Variants in SPATA17 observed in about 807,000 individuals in gnomAD.
SPATA17 encodes spermatogenesis associated 17.
A neutral mutation model predicts 62.2 loss-of-function variants in SPATA17; 53 were observed. The ratio of observed to expected loss-of-function variants is 0.85; its 90% CI spans 0.68 to 1.07. The LOEUF (loss-of-function observed/expected upper bound fraction) is 1.07, where lower values mean the gene tolerates loss of function less well. Ranked by LOEUF, SPATA17 falls within the 50% of genes least tolerant of loss-of-function variation. The pLI, the probability that SPATA17 is intolerant of heterozygous loss-of-function variation, is 0.00. For synonymous variants in SPATA17, 146 were observed against 146.8 expected (o/e 0.99, Z 0.04); for missense variants, 466 against 425.5 (o/e 1.10, Z -0.84).
intron 6 of SPATA17, among the ~76,000 whole-genome samples, chr1:217,762,070 C>T (rs1673184848): frequency 6.6e-6 from 1 of 152,100 alleles, no homozygotes; most frequent in Non-Finnish European, 1.5e-5. Context: ...GCTTCTCCTC[C>T]CTCACTGTTT....
chr1:217,772,109 T>C (rs34722279), intron 6 of SPATA17, among the ~76,000 whole-genome samples: 678 of 150,880 alleles, frequency 4.5e-3, no homozygotes, highest in Non-Finnish European at 7.4e-3. Context: ...CTTTTAAAAA[T>C]ATAACATTTA....
intron 9 of SPATA17, among the ~76,000 whole-genome samples, chr1:217,847,000 C>G (rs1003223289): frequency 6.6e-6 from 1 of 151,826 alleles, no homozygotes; most frequent in Non-Finnish European, 1.5e-5. Context: ...ATTTGCAGAA[C>G]AAAAGTAGTG....
chr1:217,789,951 C>T lies in SPATA17; in HGVS notation c.872+7629C>T, dbSNP rs111480448. On this transcript the variant is annotated intron_variant, in intron 8 of 10. Coordinates refer to ENST00000366933, the MANE Select transcript of SPATA17 (RefSeq NM_138796.4). ...ACTCGGGAGGCTGAGGCACAAGAAT[C>T]GCTTGAATCTGAGAGGCGGAGGTGG... Among the ~76,000 whole-genome samples the T allele has an allele frequency of 1.4e-3, 219 of 152,210 alleles. 1 individual carries two copies. Among genetic ancestry groups the T allele is most frequent in the African/African-American group, 4.8e-3 (198 of 41,542 alleles).
At chr1:217,843,643 T>G (rs967028527) in intron 9 of SPATA17, among the ~76,000 whole-genome samples, 1 of 152,024 alleles carries the variant, frequency 6.6e-6, no homozygotes, top group African/African-American at 2.4e-5. Context: ...GGACTAATTA[T>G]TTTAAGTTTT....
At chr1:217,790,667 A>G (rs1350626733) in intron 8 of SPATA17, among the ~76,000 whole-genome samples, 1 of 152,128 alleles carries the variant, frequency 6.6e-6, no homozygotes, top group Non-Finnish European at 1.5e-5. Context: ...TGACCTCGTG[A>G]TCCGCCCGCC....
intron 9 of SPATA17, among the ~76,000 whole-genome samples, chr1:217,853,606 T>C (rs1401876578): frequency 6.6e-6 from 1 of 152,210 alleles, no homozygotes; most frequent in Admixed American, 6.6e-5. Flanking sequence ...AGTTATGTTC[T>C]ATAAAGTCAC....
intron 9 of SPATA17, among the ~76,000 whole-genome samples, chr1:217,811,618 G>C (rs61825833): frequency 0.1 from 15,149 of 151,652 alleles, 905 homozygotes; most frequent in Middle Eastern, 0.17. Context: ...ACTTGAACTT[G>C]GGCGGCGGAG....
At chr1:217,846,383 T>C (rs770356014) in intron 9 of SPATA17, among the ~76,000 whole-genome samples, 36 of 152,102 alleles carry the variant, frequency 2.4e-4, no homozygotes, top group Non-Finnish European at 5.1e-4. Context: ...TTCAATGTGA[T>C]TTCAATATGA....
At chr1:217,647,266 G>A (rs1460410637) in intron 1 of SPATA17, among the ~76,000 whole-genome samples, 1 of 152,160 alleles carries the variant, frequency 6.6e-6, no homozygotes, top group Non-Finnish European at 1.5e-5. Flanking sequence ...AGGCACTCAT[G>A]GGCTCTCAGC....
At chr1:217,641,926 T>C (rs541089862) in intron 1 of SPATA17, among the ~76,000 whole-genome samples, 1 of 152,230 alleles carries the variant, frequency 6.6e-6, no homozygotes, top group Non-Finnish European at 1.5e-5. Context: ...TCTCTTTAGT[T>C]ATCTTTAATA....
chr1:217,650,699 C>T (rs979207410), intron 2 of SPATA17, among the ~76,000 whole-genome samples: 3 of 152,202 alleles, frequency 2.0e-5, no homozygotes, highest in African/African-American at 7.2e-5. Flanking sequence ...GCTGGGATTA[C>T]GGGCATGAGC....
chr1:217,768,479 G>A (rs1025632582), intron 6 of SPATA17, among the ~76,000 whole-genome samples: 2 of 148,728 alleles, frequency 1.3e-5, no homozygotes, highest in Non-Finnish European at 1.5e-5. Flanking sequence ...TTTCTTTATC[G>A]CAAAGCTCTA....
chr1:217,740,558 G>A lies in SPATA17; in HGVS notation c.396-1417G>A, dbSNP rs373470232. On this transcript the variant is annotated intron_variant, in intron 5 of 10. Transcript: ENST00000366933. The stretch of plus-strand genomic sequence containing the variant: ...GGACACAGTTAATGAGGTTTGTTTG[G>A]TACAGAACAAATTCTCAGACACAGA... Among the ~76,000 whole-genome samples the A allele has an allele frequency of 7.9e-5, 12 of 152,200 alleles. No homozygotes were observed. The South Asian group carries it at 8.3e-4, about 11-fold the overall frequency.
chr1:217,675,442 G>C (rs559890759), intron 4 of SPATA17, among the ~76,000 whole-genome samples: 1 of 152,070 alleles, frequency 6.6e-6, no homozygotes, highest in South Asian at 2.1e-4. Flanking sequence ...TCATACTTTT[G>C]ACACCAATTT....
intron 6 of SPATA17, among the ~76,000 whole-genome samples, chr1:217,760,292 G>C (rs1395248928): frequency 6.6e-6 from 1 of 151,932 alleles, no homozygotes; most frequent in Non-Finnish European, 1.5e-5. Flanking sequence ...ATCAAGATCA[G>C]AACAAAATAG....
intron 5 of SPATA17, among the ~76,000 whole-genome samples, chr1:217,707,338 G>A (rs1283123206): frequency 2.0e-5 from 3 of 152,140 alleles, no homozygotes; most frequent in Middle Eastern, 3.2e-3. Context: ...GAGACTGTGG[G>A]ATTTTCTTGG....
intron 1 of SPATA17, among the ~76,000 whole-genome samples, chr1:217,639,335 T>C (rs1343654823): frequency 1.3e-5 from 2 of 152,146 alleles, no homozygotes; most frequent in Non-Finnish European, 2.9e-5. Context: ...CTATCAAAGA[T>C]TCATTTGGGG....
chr1:217,657,442 C>T (rs1670468821), intron 3 of SPATA17, among the ~76,000 whole-genome samples: 1 of 152,184 alleles, frequency 6.6e-6, no homozygotes, highest in Non-Finnish European at 1.5e-5. Flanking sequence ...TGGACAATCA[C>T]ATGTAAATCT....
intron 6 of SPATA17, among the ~76,000 whole-genome samples, chr1:217,766,346 T>C (rs1475924166): frequency 6.6e-6 from 1 of 151,998 alleles, no homozygotes; most frequent in Non-Finnish European, 1.5e-5. Flanking sequence ...AAGCTGCATT[T>C]CTTTTTTTTT....
Sources: gnomAD v4.1 joint callset for allele counts (sites outside exome capture counted in the v4.1 genomes callset) on GRCh38, gnomAD v4.1.1 for gene constraint, MANE v1.5 for transcripts, NCBI Gene and HGNC (gene_info 2026-07-23, HGNC 2026-07-21) for gene names.